Variants in PTPRN2 observed in about 807,000 individuals in gnomAD.
PTPRN2 encodes receptor-type tyrosine-protein phosphatase N2.
Under a neutral mutation model 118.8 loss-of-function variants are expected in PTPRN2, and 74 were observed. That is an observed-to-expected ratio of 0.62 (90% CI 0.52 to 0.76). The LOEUF is 0.76. Among genes scored for constraint, PTPRN2 ranks in the 30% least tolerant of loss-of-function variants. The probability of loss-of-function intolerance (pLI) is 0.00; values close to 1 mark genes in which losing one functional copy is unlikely to be tolerated. For missense variants in PTPRN2, 1,481 were observed against 1,394.4 expected (o/e 1.06, Z -0.99); for synonymous variants, 641 against 608.0 (o/e 1.05, Z -0.80).
At chr7:158,141,286 T>C (rs1285806153) in intron 6 of PTPRN2, among the ~76,000 whole-genome samples, 2 of 152,374 alleles carry the variant, frequency 1.3e-5, no homozygotes, top group African/African-American at 2.4e-5. Flanking sequence ...AGGCCTGGGC[T>C]GCAGCCTGCA....
intron 1 of PTPRN2, chr7:158,532,866 C>G: frequency 1.9e-6 from 1 of 523,072 alleles, no homozygotes; most frequent in Non-Finnish European, 4.0e-6. Flanking sequence ...TGCACTCTGA[C>G]GCGCAGACCA....
rs557964643 is a variant in PTPRN2, at chr7:158,287,311, T to C, written c.277+29508A>G. Among the ~76,000 whole-genome samples, 3 of 152,206 alleles carry C rather than the reference T, an allele frequency of 2.0e-5. No homozygotes were observed. The South Asian group carries it at 6.2e-4, about 32-fold the overall frequency. On this transcript the variant is annotated intron_variant, in intron 3 of 22. Transcript: ENST00000389418. ...TTGATCTTTTCTATTGTTTTTCTAG[T>C]TTCGATGTAATCTCTTTCTGTTCTG...
At chr7:158,256,590 A>C (rs868043403) in intron 3 of PTPRN2, among the ~76,000 whole-genome samples, 1 of 151,888 alleles carries the variant, frequency 6.6e-6, no homozygotes, top group Non-Finnish European at 1.5e-5. Context: ...GCGGGGGGGA[A>C]CCTAGGCAGC....
At chr7:158,524,873 G>A (rs1362988334) in intron 1 of PTPRN2, among the ~76,000 whole-genome samples, 1 of 151,302 alleles carries the variant, frequency 6.6e-6, no homozygotes, top group Non-Finnish European at 1.5e-5. Context: ...ATCCATATTT[G>A]GTTGGAAAGA....
At chr7:157,882,810 C>T (rs1796220294) in intron 12 of PTPRN2, among the ~76,000 whole-genome samples, 1 of 148,418 alleles carries the variant, frequency 6.7e-6, no homozygotes, top group African/African-American at 2.5e-5. Context: ...GACCAGAACA[C>T]ACCACCCCCC....
At position 157,576,751 on chromosome 7, in the gene PTPRN2, C is replaced by T. The variant is rs893615897; in HGVS notation, c.2645G>A (p.Cys882Tyr). The change falls in exon 19 of 23, where the codon TGT becomes TAT. Residue 882 changes from cysteine to tyrosine, a missense_variant. By Grantham distance (194) the Cys-to-Tyr change is radical. Around this residue, in one of 3 missense-constraint regions of PTPRN2, gnomAD observed 362 missense variants for 384.1 expected, o/e 0.94. Transcript: ENST00000389418. ...EVNLVSEHIW[C>Y]EDFLVRSFYL... ...GAAGCTCCTCACCAGGAAGTCCTCA[C>T]ACCAGATGTGCTCGGAGACCAGGTT... 6.2e-7 allele frequency: 1 copy of T among 1,607,994 alleles called. No homozygotes were observed. The highest frequency in any genetic ancestry group is 1.1e-5 in the South Asian group (1 of 89,866).
chr7:157,801,056 C>CAT lies in PTPRN2; in HGVS notation c.1788+97615_1788+97616dup, dbSNP rs1270838227. 1.4e-5 allele frequency among the ~76,000 whole-genome samples: 2 copies of CAT among 144,654 alleles called. No homozygotes were observed. The highest frequency in any genetic ancestry group is 1.9e-4 in the East Asian group (1 of 5,166). The allele number at this position is 144,654 out of a possible 152,430, so 94.9% of individuals were successfully genotyped here. A position where few individuals can be genotyped will look rare whatever the true frequency, so the allele number is the denominator to read the frequency against. ...ACACATATATATACACATATATACA[C>CAT]ATATATATACACATATATATACACA... On this transcript the variant is annotated intron_variant, in intron 12 of 22. Coordinates refer to ENST00000389418, the MANE Select transcript of PTPRN2 (RefSeq NM_002847.5). The surrounding 1 kb of genome is among the most constrained non-coding windows in gnomAD (Gnocchi z 4.2).
In PTPRN2 at chr7:157,540,718, T is replaced by C. The variant is rs771191779; in HGVS notation, c.3044A>G (p.Gln1015Arg). ...TGAGGCCCCTGAGGCTGCCGCTCAC[T>C]GGGGAAGGGCCTTGAGGATGGCGTT... ...EVNAILKALP[Q>R] Residue 1015 changes from glutamine to arginine, a missense_variant, in exon 23 of 23, where the codon CAG (glutamine) becomes CGG (arginine). Physicochemically the swap from Gln to Arg is conservative, Grantham distance 43. Transcript: ENST00000389418. The C allele has an allele frequency of 5.8e-5, 90 of 1,561,490 alleles. No individual in the cohort carries two copies. Among genetic ancestry groups the C allele is most frequent in the Non-Finnish European group, 7.7e-5 (89 of 1,152,020 alleles).
At chr7:157,821,228 C>G (rs900183850) in intron 12 of PTPRN2, among the ~76,000 whole-genome samples, 2 of 152,248 alleles carry the variant, frequency 1.3e-5, no homozygotes, top group African/African-American at 2.4e-5. Flanking sequence ...AGAACCAGCA[C>G]AATCATAAGT....
rs141483899 is a variant in PTPRN2, at chr7:158,191,230, T to C, written c.549+1097A>G. On this transcript the variant is annotated intron_variant, in intron 5 of 22. Coordinates refer to ENST00000389418, the MANE Select transcript of PTPRN2 (RefSeq NM_002847.5). ...GAACATAATAGAAACTGGGCCCACA[T>C]TGCTTCCCACACATATCCCAGGGCC... Among the ~76,000 whole-genome samples, 61 of 152,204 alleles carry C rather than the reference T, an allele frequency of 4.0e-4. No individual in the cohort carries two copies. The East Asian group carries it at 0.011, about 28-fold the overall frequency.
At chr7:157,812,693 C>T (rs1359113413) in intron 12 of PTPRN2, among the ~76,000 whole-genome samples, 1 of 152,062 alleles carries the variant, frequency 6.6e-6, no homozygotes, top group African/African-American at 2.4e-5. Flanking sequence ...CCTTGGTAGC[C>T]GGGTGCTGGC....
At chr7:157,970,831 T>G (rs1802281261) in intron 11 of PTPRN2, among the ~76,000 whole-genome samples, 1 of 152,172 alleles carries the variant, frequency 6.6e-6, no homozygotes, top group African/African-American at 2.4e-5. Context: ...AAGCTCATTC[T>G]TCAGAGCTCA....
At chr7:157,716,518 A>G (rs1397095751) in intron 12 of PTPRN2, among the ~76,000 whole-genome samples, 17 of 61,460 alleles carry the variant, frequency 2.8e-4, no homozygotes, top group African/African-American at 3.9e-4. Flanking sequence ...GCCTGGTCAC[A>G]CAGACTCTGC....
chr7:158,090,138 C>A lies in PTPRN2; in HGVS notation c.1644-8761G>T, dbSNP rs1459078104. ...TGACAAAAGAGGGAGTCTTCACACA[C>A]ATCCTTCTTCCACTGATGAAAGAGG... On this transcript the variant is annotated intron_variant, in intron 10 of 22. Coordinates refer to ENST00000389418, the MANE Select transcript of PTPRN2 (RefSeq NM_002847.5). 3.5e-4 allele frequency among the ~76,000 whole-genome samples: 41 copies of A among 115,638 alleles called. 10 individuals are homozygous for A. The highest frequency in any genetic ancestry group is 1.8e-3 in the African/African-American group (36 of 19,630). 75.9% of individuals were successfully genotyped at this position (115,638 alleles called of 152,430 possible).
At chr7:158,539,010 T>C (rs1292528424) in intron 1 of PTPRN2, among the ~76,000 whole-genome samples, 2 of 152,102 alleles carry the variant, frequency 1.3e-5, no homozygotes, top group Non-Finnish European at 2.9e-5. Context: ...TGGAGGGGTT[T>C]CCCTTCACCC....
intron 15 of PTPRN2, among the ~76,000 whole-genome samples, chr7:157,608,048 A>T (rs987953701): frequency 1.3e-5 from 2 of 152,126 alleles, no homozygotes; most frequent in African/African-American, 4.8e-5. Context: ...GTGTCAACAT[A>T]TTGCTTTTGA....
At chr7:157,707,207 A>G (rs1011516446) in intron 12 of PTPRN2, among the ~76,000 whole-genome samples, 2 of 150,352 alleles carry the variant, frequency 1.3e-5, no homozygotes, top group Admixed American at 1.3e-4. Flanking sequence ...GCACACACAC[A>G]ACCACATTCA....
chr7:158,577,337 G>T lies in PTPRN2; in HGVS notation c.112+10221C>A, dbSNP rs377223954. On this transcript the variant is annotated intron_variant, in intron 1 of 22. Transcript: ENST00000389418. ...TGGGGCCTGCACAACACTGAGGGCT[G>T]CCCACCCTGCCTGATGCCACAGACA... Among the ~76,000 whole-genome samples, 5 of 38,378 alleles carry T rather than the reference G, an allele frequency of 1.3e-4. No individual in the cohort carries two copies. The Admixed American group carries it at 1.6e-3, about 12-fold the overall frequency. The allele number at this position is 38,378 out of a possible 152,430, so 25.2% of individuals were successfully genotyped here.
Position 157,902,948 on chromosome 7 carries a change from G to A in PTPRN2, c.1724-4211C>T, listed in dbSNP as rs959462418. Among the ~76,000 whole-genome samples the A allele has an allele frequency of 2.6e-5, 4 of 152,132 alleles. No homozygotes were observed. In the East Asian group the frequency reaches 5.8e-4, roughly 22 times the overall value. On this transcript the variant is annotated intron_variant, in intron 11 of 22. Transcript: ENST00000389418. ...TCCAGGACAGGCAAGGTTCTTCAGG[G>A]TCTATGACTGCACTTTGATGCTTAG...
Sources: gnomAD v4.1 joint callset for allele counts (sites outside exome capture counted in the v4.1 genomes callset) on GRCh38, gnomAD v4.1.1 for gene constraint, gnomAD v4.1.1 regional missense constraint, Gnocchi (gnomAD v3.1) non-coding constraint, MANE v1.5 for transcripts, NCBI Gene and HGNC (gene_info 2026-07-23, HGNC 2026-07-21) for gene names.